VPS8: variants seen among roughly 807,000 people sequenced by gnomAD.
The protein encoded by VPS8 is vacuolar protein sorting-associated protein 8 homolog.
In VPS8, 129 loss-of-function variants were observed where a neutral mutation model predicts 216.4. That is an observed-to-expected ratio of 0.60 (90% CI 0.52 to 0.69). VPS8 has a LOEUF of 0.69. VPS8 is among the 30% of genes least tolerant of loss of function. The pLI is 0.00. For missense variants in VPS8, 1,531 were observed against 1,683.5 expected (o/e 0.91, Z 1.59); for synonymous variants, 571 against 565.4 (o/e 1.01, Z -0.14).
intron 46 of VPS8, among the ~76,000 whole-genome samples, chr3:185,033,103 ACTTGTT>A (rs934154486): frequency 1.3e-5 from 2 of 152,132 alleles, no homozygotes; most frequent in African/African-American, 4.8e-5. Context: ...TATGGGATAC[ACTTGTT>A]CTAATTGATG....
At chr3:184,873,314 T>C (rs1728680816) in intron 21 of VPS8, among the ~76,000 whole-genome samples, 1 of 152,118 alleles carries the variant, frequency 6.6e-6, no homozygotes, top group Non-Finnish European at 1.5e-5. Flanking sequence ...TATACTGTTA[T>C]TTTAAGAGCA....
chr3:184,887,076 C>T (rs1731417853), intron 22 of VPS8, among the ~76,000 whole-genome samples: 1 of 152,204 alleles, frequency 6.6e-6, no homozygotes, highest in Non-Finnish European at 1.5e-5. Context: ...GACGTGCTGG[C>T]TTACCCCTGT....
At chr3:184,923,840 C>CT (rs1479755530) in intron 29 of VPS8, among the ~76,000 whole-genome samples, 1 of 152,194 alleles carries the variant, frequency 6.6e-6, no homozygotes, top group Non-Finnish European at 1.5e-5. Context: ...TCTGCACGGG[C>CT]TTTAAAACTT....
chr3:185,035,892 T>C (rs1758809022), intron 46 of VPS8, among the ~76,000 whole-genome samples: 1 of 152,220 alleles, frequency 6.6e-6, no homozygotes, highest in African/African-American at 2.4e-5. Context: ...CTAGAACTGA[T>C]AAATGACTTT....
chr3:184,813,919 G>A lies in VPS8; in HGVS notation c.-89+1694G>A, dbSNP rs73888174. 380 of 152,348 alleles carry A rather than the reference G, an allele frequency of 2.5e-3. 1 individual carries two copies. The highest frequency in any genetic ancestry group is 8.7e-3 in the African/African-American group (363 of 41,576). 9.4% of individuals were successfully genotyped at this position (152,348 alleles called of 1,614,324 possible). Reference sequence around the variant, plus strand: ...AGCTTTCATAGAGTTTAGATCGTATGTTCTCTTGATCCACAGCTGTAGGTG... The same window carrying A: ...AGCTTTCATAGAGTTTAGATCGTATATTCTCTTGATCCACAGCTGTAGGTG... On this transcript the variant is annotated intron_variant, in intron 1 of 47. Coordinates refer to ENST00000625842, the MANE Select transcript of VPS8 (RefSeq NM_001009921.3).
rs1276387551 is a variant in VPS8, at chr3:184,822,987, C to A, written c.-88-1558C>A. On this transcript the variant is annotated intron_variant, in intron 1 of 47. Coordinates refer to ENST00000625842, the MANE Select transcript of VPS8 (RefSeq NM_001009921.3). The stretch of plus-strand genomic sequence containing the variant: ...AAATTAGTCTGTATTTGGTAATATA[C>A]CAAATAGTGTAATAGCTAGAAAAGT... 2.0e-5 allele frequency among the ~76,000 whole-genome samples: 3 copies of A among 152,128 alleles called. No homozygotes were observed. In the East Asian group the frequency reaches 5.8e-4, roughly 29 times the overall value.
chr3:184,940,439 C>G (rs1012461612), intron 36 of VPS8, among the ~76,000 whole-genome samples, 196 bp downstream of exon 36: 4 of 152,072 alleles, frequency 2.6e-5, no homozygotes, highest in Non-Finnish European at 5.9e-5. Context: ...TGAGATAATA[C>G]TTTTCTTTCC....
intron 42 of VPS8, among the ~76,000 whole-genome samples, chr3:184,988,629 A>G (rs539950841): frequency 6.6e-6 from 1 of 152,188 alleles, no homozygotes; most frequent in South Asian, 2.1e-4. Context: ...TGTGTTGGCC[A>G]TTCCTTGTCT....
chr3:184,857,852 C>T (rs142618817), intron 14 of VPS8, among the ~76,000 whole-genome samples: 18 of 152,130 alleles, frequency 1.2e-4, no homozygotes, highest in Middle Eastern at 6.8e-3. Context: ...CTTGGTCACA[C>T]GGGTATAATA....
rs757797734 is a variant in VPS8 at position 184,886,104 on chromosome 3, C to T, written c.1735-6C>T. On this transcript the variant is annotated splice_region_variant and splice_polypyrimidine_tract_variant and intron_variant, in intron 21 of 47. Transcript: ENST00000625842. The stretch of plus-strand genomic sequence containing the variant: ...GGCTGATGCTTTCTTTATGGTTCCT[C>T]TACAGGATATGGTGCCTGTCATAGT... The T allele has an allele frequency of 2.5e-6, 4 of 1,608,078 alleles. No individual in the cohort carries two copies. Among genetic ancestry groups the T allele is most frequent in the Non-Finnish European group, 3.4e-6 (4 of 1,177,126 alleles).
intron 34 of VPS8, among the ~76,000 whole-genome samples, chr3:184,931,370 T>C (rs1375209529): frequency 6.6e-6 from 1 of 152,180 alleles, no homozygotes; most frequent in African/African-American, 2.4e-5. Context: ...AATCCTACTT[T>C]TGGAAATAAC....
At chr3:184,983,911 G>T (rs745562750) in intron 42 of VPS8, among the ~76,000 whole-genome samples, 1 of 151,110 alleles carries the variant, frequency 6.6e-6, no homozygotes, top group African/African-American at 2.4e-5. Context: ...TTGGCCGGGC[G>T]TGGTGGCTCA....
At chr3:185,019,422 G>T (rs1338129065) in intron 45 of VPS8, among the ~76,000 whole-genome samples, 4 of 152,284 alleles carry the variant, frequency 2.6e-5, no homozygotes, top group Non-Finnish European at 4.4e-5. Context: ...AGAGCTGAGA[G>T]CCTCTAACAG....
chr3:184,967,596 A>T (rs1440799475), intron 39 of VPS8, among the ~76,000 whole-genome samples: 1 of 152,026 alleles, frequency 6.6e-6, no homozygotes, highest in Non-Finnish European at 1.5e-5. Flanking sequence ...CCAGCACTTT[A>T]GGAGGCCGAG....
At chr3:185,051,743 A>T in intron 47 of VPS8, 133 bp from the exon 48 acceptor site, 3 of 1,137,866 alleles carry the variant, frequency 2.6e-6, no homozygotes, top group South Asian at 4.0e-5. Flanking sequence ...ATATGGACCT[A>T]AGATTCAAAC....
chr3:184,937,723 G>T (rs951432424), intron 35 of VPS8, among the ~76,000 whole-genome samples: 5 of 152,080 alleles, frequency 3.3e-5, no homozygotes, highest in African/African-American at 9.7e-5. Context: ...AAAGGTTCTG[G>T]GTATAAAAGC....
intron 15 of VPS8, among the ~76,000 whole-genome samples, chr3:184,861,037 T>A (rs753685152): frequency 1.4e-4 from 21 of 152,118 alleles, no homozygotes; most frequent in Non-Finnish European, 2.6e-4. Flanking sequence ...TTAGCCAGGA[T>A]GGTCTCAATC....
Position 184,914,963 on chromosome 3 carries a change from C to A in VPS8, c.2190-18C>A. ...CCCTTTACAAGTCACCATATCCATT[C>A]TCATTCTTTTCTTCTAGCTGTTGTC... On this transcript the variant is annotated intron_variant, in intron 26 of 47. Coordinates refer to ENST00000625842, the MANE Select transcript of VPS8 (RefSeq NM_001009921.3). 1 of 1,612,268 alleles carries A rather than the reference C, an allele frequency of 6.2e-7. No homozygotes were observed. The highest frequency in any genetic ancestry group is 1.1e-5 in the South Asian group (1 of 91,046).
At chr3:184,835,795 C>T (rs947348664) in intron 5 of VPS8, among the ~76,000 whole-genome samples, 6 of 151,416 alleles carry the variant, frequency 4.0e-5, no homozygotes, top group African/African-American at 1.5e-4. Context: ...CTGCAAGCTC[C>T]ACCTCCCGGA....
Sources: allele counts gnomAD v4.1 joint callset (sites outside exome capture counted in the v4.1 genomes callset), GRCh38; gene constraint gnomAD v4.1.1; transcripts MANE v1.5; gene names NCBI Gene and HGNC (gene_info 2026-07-23, HGNC 2026-07-21).